Variants in GRB2 observed in about 807,000 individuals in gnomAD.
GRB2 encodes the protein growth factor receptor-bound protein 2.
Under a neutral mutation model 27.4 loss-of-function variants are expected in GRB2, and 2 were observed. That is an observed-to-expected ratio of 0.07 (90% confidence interval 0.03 to 0.23). The LOEUF is 0.23. Among genes scored for constraint, GRB2 ranks in the 10% least tolerant of loss-of-function variants. The probability of loss-of-function intolerance (pLI) is 1.00; values close to 1 mark genes in which losing one functional copy is unlikely to be tolerated. For synonymous variants in GRB2, 94 were observed against 99.6 expected, an observed-to-expected ratio of 0.94 and a Z score of 0.33; for missense variants, 102 against 282.4, an observed-to-expected ratio of 0.36 and a Z score of 4.58.
chr17:75,334,980 G>A (rs2078567268), intron 2 of GRB2, among the ~76,000 whole-genome samples: 1 of 151,578 alleles, frequency 6.6e-6, no homozygotes, highest in South Asian at 2.1e-4. Context: ...AGCCTCCTGA[G>A]TACCTGGGAC....
chr17:75,375,808 G>C (rs937429480), intron 2 of GRB2, among the ~76,000 whole-genome samples: 39 of 151,046 alleles, frequency 2.6e-4, no homozygotes, highest in Non-Finnish European at 5.9e-5. Context: ...GGTGGATCAC[G>C]AGGTCAGGAG....
At chr17:75,334,630 C>A (rs2078564245) in intron 2 of GRB2, among the ~76,000 whole-genome samples, 1 of 151,974 alleles carries the variant, frequency 6.6e-6, no homozygotes, top group African/African-American at 2.4e-5. Flanking sequence ...TTAATGATGA[C>A]TAGTAGTAAA....
intron 2 of GRB2, among the ~76,000 whole-genome samples, chr17:75,360,290 A>G (rs2078771369): frequency 6.6e-6 from 1 of 152,234 alleles, no homozygotes; most frequent in Non-Finnish European, 1.5e-5. Flanking sequence ...TAGTCCTCCC[A>G]TTACTATCTT....
At chr17:75,399,823 C>T (rs2079052933) in intron 1 of GRB2, among the ~76,000 whole-genome samples, 1 of 151,818 alleles carries the variant, frequency 6.6e-6, no homozygotes, top group African/African-American at 2.4e-5. Context: ...GTGCCCACCA[C>T]CACACCCGGC....
At chr17:75,342,851 C>A (rs534001917) in intron 2 of GRB2, among the ~76,000 whole-genome samples, 12 of 151,842 alleles carry the variant, frequency 7.9e-5, no homozygotes, top group East Asian at 5.8e-4. Flanking sequence ...GAGTTTGAGT[C>A]CAGCCTAGAG....
chr17:75,325,310 A>G (rs2078491414), intron 4 of GRB2, among the ~76,000 whole-genome samples: 1 of 152,102 alleles, frequency 6.6e-6, no homozygotes, highest in Non-Finnish European at 1.5e-5. Flanking sequence ...CAAAATCCCG[A>G]CTTCACAGCT....
chr17:75,327,833 T>C (rs2078510335), intron 3 of GRB2, among the ~76,000 whole-genome samples: 1 of 152,146 alleles, frequency 6.6e-6, no homozygotes, highest in Admixed American at 6.5e-5. Context: ...CTAGGGACTC[T>C]TAGTAACTCT....
intron 2 of GRB2, among the ~76,000 whole-genome samples, chr17:75,364,527 G>A (rs1161758801): frequency 6.6e-6 from 1 of 151,980 alleles, no homozygotes; most frequent in Non-Finnish European, 1.5e-5. Context: ...AGGCAGGATC[G>A]GAACCCAGGT....
intron 3 of GRB2, among the ~76,000 whole-genome samples, chr17:75,329,010 G>A (rs2078521190): frequency 6.6e-6 from 1 of 151,960 alleles, no homozygotes; most frequent in African/African-American, 2.4e-5. Flanking sequence ...CTCAATCGGG[G>A]GGCCCCAATC....
chr17:75,332,613 T>C (rs2078548728), intron 3 of GRB2, 87 bp downstream of exon 3: 2 of 752,914 alleles, frequency 2.7e-6, no homozygotes, highest in East Asian at 5.1e-5. Context: ...AAGTATGACA[T>C]CCATCCCAGT....
Position 75,345,199 on chromosome 17 carries a change from C to T in GRB2, c.79-12402G>A, listed in dbSNP as rs892260175. On this transcript the variant is annotated intron_variant, in intron 2 of 5. Transcript: ENST00000316804. The stretch of plus-strand genomic sequence containing the variant: ...CTGGGACTACAGGCGCCCGCCACCA[C>T]GCCTGGCTAATTTTTTTTGTATTTT... Among the ~76,000 whole-genome samples, 7 of 152,068 alleles carry T rather than the reference C, an allele frequency of 4.6e-5. No homozygotes were observed. In the East Asian group the frequency reaches 7.7e-4, roughly 17 times the overall value.
At chr17:75,368,313 T>G (rs1326243024) in intron 2 of GRB2, among the ~76,000 whole-genome samples, 1 of 150,102 alleles carries the variant, frequency 6.7e-6, no homozygotes, top group Non-Finnish European at 1.5e-5. Context: ...CCTCCCATGG[T>G]CAAGCGATTA....
At chr17:75,343,636 T>C (rs1286075596) in intron 2 of GRB2, among the ~76,000 whole-genome samples, 2 of 152,262 alleles carry the variant, frequency 1.3e-5, no homozygotes, top group Middle Eastern at 3.4e-3. Context: ...TTATGTGATA[T>C]TACTCCACCC....
chr17:75,385,029 C>CAAAAAAAAAA (rs58860615), intron 2 of GRB2, among the ~76,000 whole-genome samples: 2 of 55,324 alleles, frequency 3.6e-5, no homozygotes, highest in African/African-American at 1.9e-4. Context: ...CTGGCTCTAC[C>CAAAAAAAAAA]AAAAAAAAAA....
intron 2 of GRB2, among the ~76,000 whole-genome samples, chr17:75,343,042 C>T (rs1347758775): frequency 6.6e-4 from 3 of 4,576 alleles, no homozygotes; most frequent in African/African-American, 9.0e-4. Context: ...AGAGAGAAAC[C>T]TTGTCTCAAA....
chr17:75,346,088 G>A (rs968942734), intron 2 of GRB2, among the ~76,000 whole-genome samples: 2 of 152,002 alleles, frequency 1.3e-5, no homozygotes, highest in South Asian at 2.1e-4. Context: ...GGAGAGAGTC[G>A]AGGTATTTCT....
intron 2 of GRB2, among the ~76,000 whole-genome samples, chr17:75,387,054 G>A (rs1260241025): frequency 2.6e-5 from 4 of 151,954 alleles, no homozygotes; most frequent in African/African-American, 7.2e-5. Context: ...CCAACTAATC[G>A]GGAGGCTGAG....
At chr17:75,332,587 T>A in intron 3 of GRB2, 113 bp downstream of exon 3, 2 of 670,386 alleles carry the variant, frequency 3.0e-6, no homozygotes, top group Non-Finnish European at 5.4e-6. Context: ...GTTAATTCCC[T>A]AGAAACGTGA....
chr17:75,352,863 AAAGTT>A (rs1280723515), intron 2 of GRB2, among the ~76,000 whole-genome samples: 1 of 151,032 alleles, frequency 6.6e-6, no homozygotes, highest in South Asian at 2.1e-4. Flanking sequence ...TCTGGGAGAA[AAAGTT>A]AACTTGTTTT....
Sources: allele counts gnomAD v4.1 joint callset (sites outside exome capture counted in the v4.1 genomes callset), GRCh38; gene constraint gnomAD v4.1.1; transcripts MANE v1.5; gene names NCBI Gene and HGNC (gene_info 2026-07-23, HGNC 2026-07-21).